GOLGA6L24: variants seen among roughly 807,000 people sequenced by gnomAD.
GOLGA6L24 encodes the protein golgin A6 family like 24.
At chr15:28,351,061 TTCCTCCTGCTCCCGTATCTTC>T in the GOLGA6L24 span, 1 of 256,426 alleles carries the variant, frequency 3.9e-6, no homozygotes, top group Admixed American at 5.5e-5. Flanking sequence ...CCTGCCTCTT[TTCCTCCTGCTCCCGTATCTTC>T]TCCTCCTGCC....
At chr15:28,354,898 A>C in the GOLGA6L24 span, 4 of 1,608,054 alleles carry the variant, frequency 2.5e-6, no homozygotes, top group South Asian at 4.4e-5. Flanking sequence ...AAATGCTGAA[A>C]GAGAAGCAAA....
At chr15:28,354,812 G>C in the GOLGA6L24 span, 1 of 1,604,468 alleles carries the variant, frequency 6.2e-7, no homozygotes, top group South Asian at 1.1e-5. Flanking sequence ...GTAGTAAAGT[G>C]CCATCTGAAG....
At chr15:28,354,196 T>TAC in the GOLGA6L24 span, among the ~76,000 whole-genome samples, 3 of 3,842 alleles carry the variant, frequency 7.8e-4, no homozygotes, top group African/African-American at 2.7e-3. Flanking sequence ...CCATAATACG[T>TAC]ACACACACAC....
chr15:28,354,966 CTCCTTAGGGCT>C, the GOLGA6L24 span: 1 of 1,610,698 alleles, frequency 6.2e-7, no homozygotes, highest in Non-Finnish European at 8.5e-7. Flanking sequence ...CTCTAGCTCC[CTCCTTAGGGCT>C]TCCTGATGTT....
chr15:28,355,158 G>C, the GOLGA6L24 span, among the ~76,000 whole-genome samples: 1 of 151,770 alleles, frequency 6.6e-6, no homozygotes. Flanking sequence ...GGAATCTTGG[G>C]GGTGAGCCTT....
the GOLGA6L24 span, among the ~76,000 whole-genome samples, chr15:28,353,380 T>A: frequency 1.3e-5 from 2 of 149,622 alleles, no homozygotes; most frequent in Non-Finnish European, 3.0e-5. Flanking sequence ...CTTTCTTTTT[T>A]TTTTTTTTTT....
At chr15:28,354,848 C>A in the GOLGA6L24 span, 24 of 1,606,966 alleles carry the variant, frequency 1.5e-5, 1 homozygote, top group Admixed American at 1.2e-4. Context: ...TGTAAGGATT[C>A]GTATGGTTTG....
chr15:28,355,110 A>G, the GOLGA6L24 span: 6 of 1,269,842 alleles, frequency 4.7e-6, no homozygotes, highest in Non-Finnish European at 6.7e-6. Context: ...AGGCCCACCC[A>G]TGGGACCAGT....
At chr15:28,355,075 C>A in the GOLGA6L24 span, 1 of 1,595,442 alleles carries the variant, frequency 6.3e-7, no homozygotes, top group Non-Finnish European at 8.6e-7. Context: ...GACATGCCCC[C>A]AGAATGGCAC....
the GOLGA6L24 span, among the ~76,000 whole-genome samples, chr15:28,355,162 G>C: frequency 6.6e-6 from 1 of 151,772 alleles, no homozygotes; most frequent in Admixed American, 6.6e-5. Flanking sequence ...TCTTGGGGGT[G>C]AGCCTTCTTC....
the GOLGA6L24 span, chr15:28,354,808 A>C: frequency 4.4e-6 from 7 of 1,593,410 alleles, no homozygotes; most frequent in African/African-American, 7.3e-5. Flanking sequence ...GGCTGTAGTA[A>C]AGTGCCATCT....
the GOLGA6L24 span, among the ~76,000 whole-genome samples, chr15:28,353,937 C>CT: frequency 6.7e-6 from 1 of 149,460 alleles, no homozygotes; most frequent in African/African-American, 2.4e-5. Context: ...AGGTTAAGTG[C>CT]TGCCTAAGAT....
chr15:28,354,782 T>C, the GOLGA6L24 span: 3 of 1,601,372 alleles, frequency 1.9e-6, no homozygotes, highest in Non-Finnish European at 1.7e-6. Context: ...ACCTTCCAAC[T>C]GCTTGACAGC....
the GOLGA6L24 span, among the ~76,000 whole-genome samples, chr15:28,353,446 A>G: frequency 6.6e-6 from 1 of 150,828 alleles, no homozygotes; most frequent in South Asian, 2.1e-4. Context: ...ATCTCAGCTC[A>G]CCACAACCTA....
the GOLGA6L24 span, chr15:28,355,144 G>A: frequency 2.2e-6 from 2 of 913,464 alleles, no homozygotes; most frequent in Admixed American, 2.0e-5. Flanking sequence ...TGTGGGGATG[G>A]GGTGGAATCT....
At chr15:28,355,068 AT>A in the GOLGA6L24 span, 1 of 1,602,754 alleles carries the variant, frequency 6.2e-7, no homozygotes, top group South Asian at 1.1e-5. Flanking sequence ...AGCAAGAGAC[AT>A]GCCCCCAGAA....
At chr15:28,353,687 AG>A in the GOLGA6L24 span, among the ~76,000 whole-genome samples, 2 of 149,774 alleles carry the variant, frequency 1.3e-5, no homozygotes, top group Admixed American at 1.3e-4. Flanking sequence ...TGTTTTTCAA[AG>A]AACTCAGTGG....
At chr15:28,353,396 A>T in the GOLGA6L24 span, among the ~76,000 whole-genome samples, 19 of 145,690 alleles carry the variant, frequency 1.3e-4, no homozygotes, top group Non-Finnish European at 2.5e-4. Flanking sequence ...TTTTTGGCAG[A>T]GTTTCATTCT....
the GOLGA6L24 span, chr15:28,350,856 TCTC>T: frequency 5.7e-6 from 2 of 351,348 alleles, no homozygotes; most frequent in South Asian, 2.4e-5. Flanking sequence ...TCCCTTATCT[TCTC>T]CTCCTGCCTC....
Sources: gnomAD v4.1 joint callset for allele counts (sites outside exome capture counted in the v4.1 genomes callset) on GRCh38, gnomAD v4.1.1 for gene constraint, MANE v1.5 for transcripts, NCBI Gene and HGNC (gene_info 2026-07-23, HGNC 2026-07-21) for gene names.